Variants in SLC2A13 observed in about 807,000 individuals in gnomAD.
SLC2A13 encodes proton myo-inositol cotransporter.
A neutral mutation model predicts 64.4 loss-of-function variants in SLC2A13; 32 were observed. That is an observed-to-expected ratio of 0.50 (90% CI 0.37 to 0.67). The LOEUF (loss-of-function observed/expected upper bound fraction) is 0.67, where lower values mean the gene tolerates loss of function less well. SLC2A13 is among the 30% of genes least tolerant of loss of function. The probability of loss-of-function intolerance (pLI) is 0.00; values close to 1 mark genes in which losing one functional copy is unlikely to be tolerated. For synonymous variants in SLC2A13, 338 were observed against 327.1 expected, an observed-to-expected ratio of 1.03 and a Z score of -0.36; for missense variants, 743 against 829.2, an observed-to-expected ratio of 0.90 and a Z score of 1.28.
chr12:39,861,865 G>GT (rs145198845), intron 6 of SLC2A13, among the ~76,000 whole-genome samples: 281 of 151,582 alleles, frequency 1.9e-3, no homozygotes, highest in Middle Eastern at 0.01. Flanking sequence ...TCTAAAAGGT[G>GT]TTTTTTTTTA....
In SLC2A13 at chr12:40,084,728, C is replaced by T. The variant is rs1268375038; in HGVS notation, c.556+20525G>A. Reference sequence around the variant, plus strand: ...CTAGGATTGAGGACTCCTCTTAAGGCCTGATGCTCCACTTGCTGTCTGTGA... The same window carrying T: ...CTAGGATTGAGGACTCCTCTTAAGGTCTGATGCTCCACTTGCTGTCTGTGA... On this transcript the variant is annotated intron_variant, in intron 1 of 9. Coordinates refer to ENST00000280871, the MANE Select transcript of SLC2A13 (RefSeq NM_052885.4). 3.3e-5 allele frequency among the ~76,000 whole-genome samples: 5 copies of T among 151,942 alleles called. No homozygotes were observed. The East Asian group carries it at 9.6e-4, about 29-fold the overall frequency.
At chr12:39,888,749 T>C (rs983493350) in intron 4 of SLC2A13, among the ~76,000 whole-genome samples, 1 of 152,236 alleles carries the variant, frequency 6.6e-6, no homozygotes, top group African/African-American at 2.4e-5. Context: ...CTTTTGAATA[T>C]AGTGTTTTCC....
chr12:40,095,747 T>C (rs1938916318), intron 1 of SLC2A13, among the ~76,000 whole-genome samples: 1 of 152,212 alleles, frequency 6.6e-6, no homozygotes, highest in African/African-American at 2.4e-5. Flanking sequence ...CAGTATATAA[T>C]ACATATTAGT....
rs576451688 is a variant in SLC2A13, at chr12:40,031,504, C to T, written c.717-2995G>A. Among the ~76,000 whole-genome samples, 7 of 152,196 alleles carry T rather than the reference C, an allele frequency of 4.6e-5. No individual in the cohort carries two copies. In the South Asian group the frequency reaches 8.3e-4, roughly 18 times the overall value. ...CCAAAGTGCTGGGATTACAGGCACGCGCCACTGCTTTCGGCCAAGTTACTT... is the reference window on the plus strand; with the variant it reads ...CCAAAGTGCTGGGATTACAGGCACGTGCCACTGCTTTCGGCCAAGTTACTT... On this transcript the variant is annotated intron_variant, in intron 2 of 9. Transcript: ENST00000280871.
intron 9 of SLC2A13, among the ~76,000 whole-genome samples, chr12:39,761,768 A>G (rs1277805972): frequency 1.3e-5 from 2 of 152,096 alleles, no homozygotes; most frequent in South Asian, 2.1e-4. Context: ...TAAAGAAAAA[A>G]TAAGTACAGA....
intron 4 of SLC2A13, among the ~76,000 whole-genome samples, chr12:39,932,513 C>G (rs1475288268): frequency 6.6e-6 from 1 of 152,214 alleles, no homozygotes; most frequent in African/African-American, 2.4e-5. Context: ...TGAGTGCCTA[C>G]TGTGTGCTGG....
At chr12:39,985,478 TA>T (rs1303929119) in intron 3 of SLC2A13, among the ~76,000 whole-genome samples, 2 of 152,130 alleles carry the variant, frequency 1.3e-5, no homozygotes, top group African/African-American at 4.8e-5. Context: ...TGTCTCTAAA[TA>T]GCTTCTGCTT....
intron 6 of SLC2A13, among the ~76,000 whole-genome samples, chr12:39,863,078 C>T (rs1434249752): frequency 6.6e-6 from 1 of 152,142 alleles, no homozygotes; most frequent in Non-Finnish European, 1.5e-5. Context: ...TTCATATCCA[C>T]TGACTCCCGA....
intron 3 of SLC2A13, among the ~76,000 whole-genome samples, chr12:40,011,297 G>A (rs1230606306): frequency 6.6e-6 from 1 of 152,104 alleles, no homozygotes; most frequent in Non-Finnish European, 1.5e-5. Flanking sequence ...CATTCCCTGA[G>A]CTGTGACAAT....
chr12:40,000,607 G>A (rs1024351287), intron 3 of SLC2A13, among the ~76,000 whole-genome samples: 3 of 152,144 alleles, frequency 2.0e-5, no homozygotes, highest in Non-Finnish European at 4.4e-5. Context: ...GCATTGGCAG[G>A]TTTGGTTTTT....
chr12:39,950,436 T>G (rs188396946), intron 4 of SLC2A13: 2 of 152,338 alleles, frequency 1.3e-5, no homozygotes, highest in East Asian at 3.9e-4. Context: ...AAACTGTATT[T>G]TATGATTTAG....
At chr12:40,017,839 C>T (rs1947643821) in intron 3 of SLC2A13, among the ~76,000 whole-genome samples, 2 of 152,072 alleles carry the variant, frequency 1.3e-5, no homozygotes, top group Non-Finnish European at 1.5e-5. Context: ...CCCTGCAATA[C>T]TTCTTTAGAG....
intron 3 of SLC2A13, among the ~76,000 whole-genome samples, chr12:40,001,060 T>C (rs1384049737): frequency 6.6e-6 from 1 of 152,226 alleles, no homozygotes; most frequent in Admixed American, 6.5e-5. Context: ...TATTTTAGCA[T>C]ATGTAAACAT....
chr12:39,772,795 C>A (rs186298995), intron 7 of SLC2A13, among the ~76,000 whole-genome samples: 1 of 152,264 alleles, frequency 6.6e-6, no homozygotes, highest in Admixed American at 6.5e-5. Context: ...AGAGTGGACT[C>A]TGTGCTTGCC....
intron 3 of SLC2A13, among the ~76,000 whole-genome samples, chr12:39,994,034 C>A (rs1263288693): frequency 6.6e-6 from 1 of 152,192 alleles, no homozygotes; most frequent in African/African-American, 2.4e-5. Flanking sequence ...TAACTGTAGA[C>A]ATCTTGCAAT....
At chr12:39,838,927 G>T (rs1463439924) in intron 6 of SLC2A13, among the ~76,000 whole-genome samples, 1 of 152,088 alleles carries the variant, frequency 6.6e-6, no homozygotes, top group Non-Finnish European at 1.5e-5. Flanking sequence ...CCTGTCTCTA[G>T]AATGCCCTAA....
intron 7 of SLC2A13, among the ~76,000 whole-genome samples, chr12:39,797,744 A>ATACGCG (rs1555237531): frequency 6.7e-6 from 1 of 150,334 alleles, no homozygotes; most frequent in East Asian, 1.9e-4. Flanking sequence ...ACACACACAC[A>ATACGCG]CACACACACA....
chr12:39,848,656 A>G (rs1439576213), intron 6 of SLC2A13, among the ~76,000 whole-genome samples: 1 of 152,166 alleles, frequency 6.6e-6, no homozygotes, highest in Non-Finnish European at 1.5e-5. Context: ...CATTTGACCC[A>G]GCTCCCATTT....
intron 1 of SLC2A13, among the ~76,000 whole-genome samples, chr12:40,091,779 A>C (rs1938777105): frequency 6.6e-6 from 1 of 152,178 alleles, no homozygotes; most frequent in Admixed American, 6.5e-5. Flanking sequence ...GGTTTTGTTC[A>C]CCAATCCAAA....
Sources: gnomAD v4.1 joint callset for allele counts (sites outside exome capture counted in the v4.1 genomes callset) on GRCh38, gnomAD v4.1.1 for gene constraint, MANE v1.5 for transcripts, NCBI Gene and HGNC (gene_info 2026-07-23, HGNC 2026-07-21) for gene names.